The following DAPK1 variants were observed in gnomAD, a reference collection of about 807,000 sequenced individuals.
DAPK1 encodes the protein death associated protein kinase 1.
DAPK1 carries 56 observed loss-of-function variants against 144.9 expected under a neutral mutation model. The ratio of observed to expected loss-of-function variants is 0.39; its 90% CI spans 0.31 to 0.48. DAPK1 has a LOEUF of 0.48. Ranked by LOEUF, DAPK1 falls within the 20% of genes least tolerant of loss-of-function variation. The pLI, the probability that DAPK1 is intolerant of heterozygous loss-of-function variation, is 0.95. For synonymous variants in DAPK1, 690 were observed against 749.0 expected (o/e 0.92, Z 1.29); for missense variants, 1,454 against 1,875.4 (o/e 0.78, Z 4.15).
At chr9:87,540,975 G>A (rs1296873575) in intron 2 of DAPK1, among the ~76,000 whole-genome samples, 1 of 152,102 alleles carries the variant, frequency 6.6e-6, no homozygotes, top group Admixed American at 6.5e-5. Context: ...CCTCACACAG[G>A]AATGAAAGTA....
At chr9:87,670,033 A>G (rs1028753849) in intron 19 of DAPK1, among the ~76,000 whole-genome samples, 11 of 152,128 alleles carry the variant, frequency 7.2e-5, no homozygotes, top group Admixed American at 6.5e-4. Context: ...AAATTTCCCT[A>G]GCCTTACTCA....
chr9:87,692,297 G>A lies in DAPK1; in HGVS notation c.2414-4710G>A, dbSNP rs73485403. 5.8e-3 allele frequency among the ~76,000 whole-genome samples: 873 copies of A among 150,202 alleles called. 12 individuals are homozygous for A. The highest frequency in any genetic ancestry group is 0.02 in the African/African-American group (826 of 40,842). On this transcript the variant is annotated intron_variant, in intron 21 of 25. Coordinates refer to ENST00000408954, the MANE Select transcript of DAPK1 (RefSeq NM_004938.4). ...ATCTGATATAAGTACAGCAACTTTC[G>A]CTCACTTTTGGTTTCCATTTTCATG...
At chr9:87,560,573 GAATCACACAATATTTGTGCTT>G (rs1246455720) in intron 2 of DAPK1, among the ~76,000 whole-genome samples, 10 of 151,842 alleles carry the variant, frequency 6.6e-5, no homozygotes, top group Non-Finnish European at 1.5e-4. Flanking sequence ...CACATGAGTA[GAATCACACAATATTTGTGCTT>G]TTGTGACCTG....
intron 14 of DAPK1, among the ~76,000 whole-genome samples, chr9:87,648,292 T>C (rs2119168167): frequency 6.6e-6 from 1 of 152,388 alleles, no homozygotes; most frequent in East Asian, 1.9e-4. Flanking sequence ...AGTTATTGCA[T>C]GGGCAAATAG....
intron 2 of DAPK1, among the ~76,000 whole-genome samples, chr9:87,526,965 C>T (rs1264574684): frequency 1.3e-5 from 2 of 152,178 alleles, no homozygotes; most frequent in African/African-American, 4.8e-5. Flanking sequence ...GACAGAATTT[C>T]TTCCCATTAG....
chr9:87,664,379 C>A (rs987380348), intron 18 of DAPK1, among the ~76,000 whole-genome samples: 1 of 152,176 alleles, frequency 6.6e-6, no homozygotes, highest in African/African-American at 2.4e-5. Context: ...CCACTTCTGC[C>A]CTGAGGGTAC....
chr9:87,669,513 CT>C (rs1487580882), intron 19 of DAPK1, among the ~76,000 whole-genome samples: 3 of 151,348 alleles, frequency 2.0e-5, no homozygotes, highest in Non-Finnish European at 4.4e-5. Context: ...AATTTAATTA[CT>C]GTATTTTTTT....
At chr9:87,554,462 C>A (rs1449567996) in intron 2 of DAPK1, 1 of 150,486 alleles carries the variant, frequency 6.6e-6, no homozygotes, top group African/African-American at 2.5e-5. Flanking sequence ...AAAAAAAAGT[C>A]TTTACTTCAT....
At chr9:87,657,889 G>A (rs1830683410) in intron 17 of DAPK1, 140 bp from the exon 18 acceptor site, 2 of 681,558 alleles carry the variant, frequency 2.9e-6, no homozygotes, top group East Asian at 2.7e-5. Flanking sequence ...CCAGTGGAGA[G>A]CAAGTTTCAG....
chr9:87,542,454 C>T (rs1040822414), intron 2 of DAPK1, among the ~76,000 whole-genome samples: 1 of 152,208 alleles, frequency 6.6e-6, no homozygotes, highest in Non-Finnish European at 1.5e-5. Context: ...CTGTGGTCAG[C>T]ATTTCAGTGT....
At chr9:87,501,390 C>G (rs1166182980) in intron 2 of DAPK1, among the ~76,000 whole-genome samples, 3 of 152,172 alleles carry the variant, frequency 2.0e-5, no homozygotes, top group Non-Finnish European at 4.4e-5. Flanking sequence ...AGATTTAAGA[C>G]TTTAATTGGC....
At position 87,604,549 on chromosome 9, in the gene DAPK1, A is replaced by AT. The variant is rs111434606; in HGVS notation, c.63-396dup. Among the ~76,000 whole-genome samples the AT allele has an allele frequency of 2.4e-3, 366 of 151,472 alleles. 4 individuals carry two copies. The highest frequency in any genetic ancestry group is 7.8e-3 in the African/African-American group (324 of 41,274). ...TTGTTGAAGGCAGGACTTCATATAT[A>AT]TTTTTTTTTACCGATTCCCTGGTCT... On this transcript the variant is annotated intron_variant, in intron 2 of 25. Coordinates refer to ENST00000408954, the MANE Select transcript of DAPK1 (RefSeq NM_004938.4).
chr9:87,590,315 G>T (rs1828079339), intron 2 of DAPK1, among the ~76,000 whole-genome samples: 3 of 148,198 alleles, frequency 2.0e-5, no homozygotes, highest in African/African-American at 5.0e-5. Context: ...TCAAGCTTTG[G>T]TTCCACCTTA....
intron 21 of DAPK1, among the ~76,000 whole-genome samples, chr9:87,695,012 A>T (rs574565127): frequency 1.3e-5 from 2 of 152,150 alleles, no homozygotes; most frequent in Non-Finnish European, 2.9e-5. Context: ...GCGGGAGTTC[A>T]TGGTCTGTGT....
intron 19 of DAPK1, among the ~76,000 whole-genome samples, chr9:87,681,077 G>A (rs953556334): frequency 6.6e-5 from 10 of 152,098 alleles, no homozygotes; most frequent in Non-Finnish European, 1.2e-4. Flanking sequence ...TCGGGAGTTC[G>A]AGACCAGCCT....
At chr9:87,656,322 A>C (rs1830626434) in intron 17 of DAPK1, among the ~76,000 whole-genome samples, 1 of 152,090 alleles carries the variant, frequency 6.6e-6, no homozygotes, top group African/African-American at 2.4e-5. Flanking sequence ...ATTTAAGGCT[A>C]AGGGGTTTGG....
intron 2 of DAPK1, among the ~76,000 whole-genome samples, chr9:87,521,134 A>G (rs748927068): frequency 4.6e-5 from 7 of 152,228 alleles, no homozygotes; most frequent in Non-Finnish European, 1.0e-4. Context: ...AGCACTGCTG[A>G]TTGCAATAGT....
At chr9:87,650,550 G>T in intron 16 of DAPK1, 1 of 204,580 alleles carries the variant, frequency 4.9e-6, no homozygotes, top group South Asian at 7.5e-5. Flanking sequence ...CAATCTCGAT[G>T]CTAGACCAGG....
intron 2 of DAPK1, among the ~76,000 whole-genome samples, chr9:87,535,534 T>C (rs929585537): frequency 2.0e-5 from 3 of 152,190 alleles, no homozygotes; most frequent in Non-Finnish European, 2.9e-5. Context: ...ATATCAAATA[T>C]ATAATGTTCC....
Sources: gnomAD v4.1 joint callset for allele counts (sites outside exome capture counted in the v4.1 genomes callset) on GRCh38, gnomAD v4.1.1 for gene constraint, MANE v1.5 for transcripts, NCBI Gene and HGNC (gene_info 2026-07-23, HGNC 2026-07-21) for gene names.